Variants in DLGAP4 observed in about 807,000 individuals in gnomAD.
DLGAP4 encodes DLG associated protein 4, also known as disks large-associated protein 4.
In DLGAP4, 18 loss-of-function variants were observed where a neutral mutation model predicts 86.9. That is an observed-to-expected ratio of 0.21 (90% confidence interval 0.14 to 0.31). The LOEUF (loss-of-function observed/expected upper bound fraction) is 0.31, where lower values mean the gene tolerates loss of function less well. Among genes scored for constraint, DLGAP4 ranks in the 10% least tolerant of loss-of-function variants. The pLI is 1.00. For synonymous variants in DLGAP4, 548 were observed against 574.3 expected, an observed-to-expected ratio of 0.95 and a Z score of 0.65; for missense variants, 1,085 against 1,362.6, an observed-to-expected ratio of 0.80 and a Z score of 3.21.
chr20:36,395,326 T>G (rs1003132462), intron 2 of DLGAP4, among the ~76,000 whole-genome samples: 1 of 152,168 alleles, frequency 6.6e-6, no homozygotes. Context: ...GTAGGCTCTA[T>G]GGGGGCAAGG....
chr20:36,338,905 C>A (rs1268133442), intron 1 of DLGAP4, among the ~76,000 whole-genome samples: 1 of 152,020 alleles, frequency 6.6e-6, no homozygotes, highest in African/African-American at 2.4e-5. Flanking sequence ...GCAAAGGCAC[C>A]GAGGCAGGTG....
At chr20:36,365,678 T>C (rs543773907) in intron 1 of DLGAP4, among the ~76,000 whole-genome samples, 1 of 152,336 alleles carries the variant, frequency 6.6e-6, no homozygotes, top group East Asian at 1.9e-4. Flanking sequence ...AGGTAAAGCC[T>C]GTTACAGGTT....
At chr20:36,313,855 T>C (rs1333433706) in intron 1 of DLGAP4, among the ~76,000 whole-genome samples, 3 of 152,130 alleles carry the variant, frequency 2.0e-5, no homozygotes, top group African/African-American at 7.2e-5. Flanking sequence ...TGGGCAACTG[T>C]GCACCTCCCT....
intron 1 of DLGAP4, among the ~76,000 whole-genome samples, chr20:36,349,104 C>CAAAAAAAAAAAAAAAAA (rs539585564): frequency 2.5e-5 from 1 of 39,894 alleles, no homozygotes; most frequent in African/African-American, 1.6e-4. Context: ...GACTCCATCT[C>CAAAAAAAAAAAAAAAAA]AAAAAAAAAA....
chr20:36,416,495 A>G (rs1051679999), intron 2 of DLGAP4, among the ~76,000 whole-genome samples: 5 of 152,208 alleles, frequency 3.3e-5, no homozygotes, highest in African/African-American at 1.2e-4. Context: ...AACCCGGGCG[A>G]ACCAGGATGT....
At chr20:36,520,352 CT>C (rs935096843) in intron 10 of DLGAP4, among the ~76,000 whole-genome samples, 9 of 151,658 alleles carry the variant, frequency 5.9e-5, no homozygotes, top group Admixed American at 1.3e-4. Context: ...TTCATAGTGT[CT>C]TTTTTTCTAT....
chr20:36,437,526 G>T (rs1046229714), intron 4 of DLGAP4, among the ~76,000 whole-genome samples: 3 of 152,188 alleles, frequency 2.0e-5, no homozygotes, highest in African/African-American at 7.2e-5. Flanking sequence ...GTTCCGAGAT[G>T]GGGGAGGGAG....
chr20:36,479,713 G>A (rs1486829697), intron 7 of DLGAP4, among the ~76,000 whole-genome samples: 2 of 151,912 alleles, frequency 1.3e-5, no homozygotes, highest in Non-Finnish European at 2.9e-5. Context: ...AGGGGTGATT[G>A]ACAAGGCAGA....
chr20:36,447,894 A>AGGG, intron 7 of DLGAP4, among the ~76,000 whole-genome samples: 1 of 1,762 alleles, frequency 5.7e-4, no homozygotes, highest in Non-Finnish European at 1.2e-3. Flanking sequence ...AGGGCCTATC[A>AGGG]GGGGGGTGGG....
intron 5 of DLGAP4, among the ~76,000 whole-genome samples, chr20:36,441,528 T>C (rs2033446896): frequency 6.6e-6 from 1 of 152,228 alleles, no homozygotes; most frequent in Non-Finnish European, 1.5e-5. Context: ...ATTTACTTAA[T>C]GCTGTCTCCC....
intron 2 of DLGAP4, among the ~76,000 whole-genome samples, chr20:36,380,593 AAGAGAGAGAGAGAGAGAGAGAGAG>A (rs57814145): frequency 0.07 from 6,784 of 97,102 alleles, 571 homozygotes; most frequent in South Asian, 0.13. Context: ...GTCTGCATTA[AAGAGAGAGAGAGAGAGAGAGAGAG>A]AGAGAGAGAG....
In DLGAP4 at chr20:36,515,819, A is replaced by G. The variant is rs566202367; in HGVS notation, c.2513-8431A>G. Reference sequence around the variant, plus strand: ...TACAAACCCTACTAGTTTTGAGGCTATATTAATTGGGATTACATTTGCCTA... The same window carrying G: ...TACAAACCCTACTAGTTTTGAGGCTGTATTAATTGGGATTACATTTGCCTA... On this transcript the variant is annotated intron_variant, in intron 10 of 12. Transcript: ENST00000339266. Among the ~76,000 whole-genome samples, 33 of 152,322 alleles carry G rather than the reference A, an allele frequency of 2.2e-4. No homozygotes were observed. The South Asian group carries it at 5.0e-3, about 23-fold the overall frequency.
intron 2 of DLGAP4, among the ~76,000 whole-genome samples, chr20:36,409,745 T>C (rs1255056108): frequency 1.1e-4 from 16 of 146,928 alleles, no homozygotes; most frequent in African/African-American, 4.0e-4. Context: ...TAAAAAGCCC[T>C]CCTCCTGGCC....
chr20:36,334,230 G>T (rs1555891868), intron 1 of DLGAP4, among the ~76,000 whole-genome samples: 1 of 152,180 alleles, frequency 6.6e-6, no homozygotes, highest in Non-Finnish European at 1.5e-5. Context: ...TTAGGGGGTT[G>T]GTCTGCAGGG....
At chr20:36,406,798 A>T (rs2032337136) in intron 2 of DLGAP4, among the ~76,000 whole-genome samples, 1 of 152,054 alleles carries the variant, frequency 6.6e-6, no homozygotes, top group Non-Finnish European at 1.5e-5. Context: ...GGAATCCTAG[A>T]CTGTGTGAGC....
intron 7 of DLGAP4, chr20:36,461,215 C>G (rs1312917273): frequency 6.6e-6 from 1 of 151,714 alleles, no homozygotes; most frequent in East Asian, 1.9e-4. Context: ...CCCCACCCCC[C>G]CATGCTCGGG....
chr20:36,519,799 T>C (rs537494388), intron 10 of DLGAP4, among the ~76,000 whole-genome samples: 1 of 152,232 alleles, frequency 6.6e-6, no homozygotes, highest in East Asian at 1.9e-4. Context: ...GTTTGTTTGT[T>C]TGTTCTGGAG....
chr20:36,522,039 G>A (rs2037411177), intron 10 of DLGAP4, among the ~76,000 whole-genome samples: 1 of 152,068 alleles, frequency 6.6e-6, no homozygotes, highest in South Asian at 2.1e-4. Context: ...GTTCTATCAG[G>A]ATTTTCTTCT....
At chr20:36,473,948 T>A (rs2034793609) in intron 7 of DLGAP4, among the ~76,000 whole-genome samples, 1 of 152,234 alleles carries the variant, frequency 6.6e-6, no homozygotes, top group Non-Finnish European at 1.5e-5. Context: ...GTTCCTGGGC[T>A]GCCAGCTAGA....
Sources: allele counts gnomAD v4.1 joint callset (sites outside exome capture counted in the v4.1 genomes callset), GRCh38; gene constraint gnomAD v4.1.1; transcripts MANE v1.5; gene names NCBI Gene and HGNC (gene_info 2026-07-23, HGNC 2026-07-21).